The following ARL13B variants were observed in gnomAD, a reference collection of about 807,000 sequenced individuals.
ARL13B encodes the protein ADP-ribosylation factor-like protein 13B.
In ARL13B, 36 loss-of-function variants were observed where a neutral mutation model predicts 56.1. The observed-to-expected ratio is 0.64, with a 90% CI of 0.49 to 0.85. ARL13B has a LOEUF of 0.85. Ranked by LOEUF, ARL13B falls within the 40% of genes least tolerant of loss-of-function variation. The pLI, the probability that ARL13B is intolerant of heterozygous loss-of-function variation, is 0.00. For missense variants in ARL13B, 519 were observed against 507.1 expected (o/e 1.02, Z -0.23); for synonymous variants, 178 against 171.1 (o/e 1.04, Z -0.32).
intron 3 of ARL13B, among the ~76,000 whole-genome samples, chr3:94,006,953 A>G (rs1471774745): frequency 1.3e-5 from 2 of 152,158 alleles, no homozygotes; most frequent in Non-Finnish European, 2.9e-5. Context: ...GGGTAGCAGG[A>G]GGGGATACCT....
In ARL13B at chr3:94,051,471, T is replaced by C. The variant is rs1213319611; in HGVS notation, c.1210+579T>C. On this transcript the variant is annotated intron_variant, in intron 9 of 9. Coordinates refer to ENST00000394222, the MANE Select transcript of ARL13B (RefSeq NM_001174150.2). Reference sequence around the variant, plus strand: ...TTTTCTTTGAATATAACATACGCTATAGTCTAGATAGTTTATGGCATTAGA... The same window carrying C: ...TTTTCTTTGAATATAACATACGCTACAGTCTAGATAGTTTATGGCATTAGA... Among the ~76,000 whole-genome samples the C allele has an allele frequency of 2.6e-5, 4 of 152,124 alleles. No homozygotes were observed. The East Asian group carries it at 7.7e-4, about 29-fold the overall frequency.
intron 3 of ARL13B, among the ~76,000 whole-genome samples, chr3:94,029,325 TATATA>T (rs2076622299): frequency 2.0e-5 from 2 of 101,998 alleles, no homozygotes; most frequent in African/African-American, 9.6e-5. Context: ...TATATATATA[TATATA>T]TATATTTATT....
intron 3 of ARL13B, among the ~76,000 whole-genome samples, chr3:94,024,515 G>T (rs990512040): frequency 6.6e-6 from 1 of 152,152 alleles, no homozygotes; most frequent in African/African-American, 2.4e-5. Flanking sequence ...TGCATGGTTT[G>T]GAACAAATCC....
intron 3 of ARL13B, among the ~76,000 whole-genome samples, chr3:94,021,677 G>A (rs929254746): frequency 6.6e-6 from 1 of 152,092 alleles, no homozygotes; most frequent in African/African-American, 2.4e-5. Flanking sequence ...GAGAAAATTT[G>A]ATGTTAAAGT....
At chr3:93,993,190 A>C (rs1444167119) in intron 1 of ARL13B, among the ~76,000 whole-genome samples, 1 of 151,956 alleles carries the variant, frequency 6.6e-6, no homozygotes, top group East Asian at 1.9e-4. Flanking sequence ...CAGGGGCGTG[A>C]TCTCGGCTCA....
Position 94,036,619 on chromosome 3 carries a change from G to A in ARL13B, c.554G>A (p.Trp185Ter), listed in dbSNP as rs760756412. The A allele has an allele frequency of 1.2e-6, 2 of 1,613,756 alleles. No homozygotes were observed. The highest frequency in any genetic ancestry group is 1.7e-5 in the Admixed American group (1 of 59,944). ...IDKSIKKGLY[W>*]LLHVIARDFD... ...AAGTCCATTAAAAAAGGCCTTTATT[G>A]GCTGCTACATGTTATTGCAAGAGAC... Residue 185 changes from tryptophan (W) to a stop codon, truncating the protein, a stop_gained, in exon 5 of 10, where the codon TGG becomes TAG. Transcript: ENST00000394222. LOFTEE classifies it high-confidence loss of function.
chr3:94,014,849 A>T (rs2076294864), intron 3 of ARL13B: 4 of 1,613,988 alleles, frequency 2.5e-6, no homozygotes, highest in Non-Finnish European at 2.5e-6. Context: ...AAATGGCGGA[A>T]CATTGCAGCA....
intron 7 of ARL13B, among the ~76,000 whole-genome samples, chr3:94,047,354 A>G (rs1020504653): frequency 3.3e-5 from 5 of 152,184 alleles, no homozygotes; most frequent in African/African-American, 1.2e-4. Context: ...CTGTCAGCAG[A>G]GTTAAAAAGG....
In ARL13B at chr3:94,049,453, C is replaced by A; in HGVS notation, c.1072C>A (p.Arg358=). ...TKKLRMKRNH[R]VEPLNIDDCA... ...GAAACTAAGAATGAAAAGGAACCAC[C>A]GGGTAGAACCACTTAATATAGATGA... Residue 358 remains arginine (R), a synonymous_variant, in exon 8 of 10, where the codon CGG becomes AGG. Coordinates refer to ENST00000394222, the MANE Select transcript of ARL13B (RefSeq NM_001174150.2). 1.2e-6 allele frequency: 2 copies of A among 1,609,450 alleles called. No homozygotes were observed. The highest frequency in any genetic ancestry group is 2.2e-5 in the East Asian group (1 of 44,702).
chr3:94,014,720 C>A, intron 3 of ARL13B: 2 of 1,612,916 alleles, frequency 1.2e-6, no homozygotes, highest in African/African-American at 1.3e-5. Flanking sequence ...TGAAGCATAT[C>A]ATTTACATCT....
rs60559206 is a variant in ARL13B at position 94,021,429 on chromosome 3, A to G, written c.381-13902A>G. On this transcript the variant is annotated intron_variant, in intron 3 of 9. Transcript: ENST00000394222. ...AGGCTCATCTTGAACTCCTGACCTC[A>G]AGTGATCTGCCCGCCTCAGCCTCCC... Among the ~76,000 whole-genome samples, 61 of 152,150 alleles carry G rather than the reference A, an allele frequency of 4.0e-4. No individual in the cohort carries two copies. The East Asian group carries it at 0.011, about 27-fold the overall frequency.
intron 2 of ARL13B, among the ~76,000 whole-genome samples, chr3:93,998,118 A>T (rs1395634935): frequency 1.3e-5 from 2 of 152,174 alleles, no homozygotes; most frequent in East Asian, 3.8e-4. Context: ...TTTTTTAGTC[A>T]TTTAAAATGT....
chr3:94,038,791 GA>G (rs1249554262), intron 5 of ARL13B, among the ~76,000 whole-genome samples: 2 of 151,968 alleles, frequency 1.3e-5, no homozygotes, highest in Non-Finnish European at 2.9e-5. Context: ...AAAATGCTGG[GA>G]TTACAGGCGT....
At chr3:94,039,357 A>G (rs2076822813) in intron 5 of ARL13B, among the ~76,000 whole-genome samples, 1 of 152,012 alleles carries the variant, frequency 6.6e-6, no homozygotes, top group Admixed American at 6.6e-5. Context: ...AAAATTAGCC[A>G]GGCCTGGTGG....
At chr3:93,999,622 A>G (rs1332718698) in intron 2 of ARL13B, among the ~76,000 whole-genome samples, 2 of 152,154 alleles carry the variant, frequency 1.3e-5, no homozygotes, top group African/African-American at 4.8e-5. Context: ...ATTATTGACT[A>G]TAGTCTGCCT....
chr3:94,032,642 G>A (rs1400255241), intron 3 of ARL13B, among the ~76,000 whole-genome samples: 3 of 152,046 alleles, frequency 2.0e-5, no homozygotes, highest in Non-Finnish European at 2.9e-5. Flanking sequence ...GACTACAGGC[G>A]CCTGCCACCA....
At chr3:94,003,250 C>G (rs917931053) in intron 2 of ARL13B, among the ~76,000 whole-genome samples, 1 of 152,120 alleles carries the variant, frequency 6.6e-6, no homozygotes, top group African/African-American at 2.4e-5. Flanking sequence ...CTAAACTCTT[C>G]TATTCTCTAA....
rs531200363 is a variant in ARL13B, at chr3:94,022,373, G to A, written c.381-12958G>A. Among the ~76,000 whole-genome samples the A allele has an allele frequency of 3.9e-5, 6 of 152,132 alleles. No homozygotes were observed. The South Asian group carries it at 8.3e-4, about 21-fold the overall frequency. ...ACTCCTAACCTCAAGTGATCCACCC[G>A]CCTCAGCCTCCCAAAGTGCTGGGAT... On this transcript the variant is annotated intron_variant, in intron 3 of 9. Coordinates refer to ENST00000394222, the MANE Select transcript of ARL13B (RefSeq NM_001174150.2).
chr3:94,002,697 A>G (rs2076073640), intron 2 of ARL13B, among the ~76,000 whole-genome samples: 1 of 152,194 alleles, frequency 6.6e-6, no homozygotes, highest in Non-Finnish European at 1.5e-5. Context: ...CAGTCAGTCT[A>G]GAGACTTTTG....
Sources: allele counts gnomAD v4.1 joint callset (sites outside exome capture counted in the v4.1 genomes callset), GRCh38; gene constraint gnomAD v4.1.1; transcripts MANE v1.5; gene names NCBI Gene and HGNC (gene_info 2026-07-23, HGNC 2026-07-21).